WDR72: variants seen among roughly 807,000 people sequenced by gnomAD.
WDR72 encodes the protein WD repeat domain 72.
A neutral mutation model predicts 124.2 loss-of-function variants in WDR72; 120 were observed. That is an observed-to-expected ratio of 0.97 (90% CI 0.83 to 1.12). The LOEUF is 1.12. Ranked by LOEUF, WDR72 falls within the 50% of genes most tolerant of loss-of-function variation. The pLI, the probability that WDR72 is intolerant of heterozygous loss-of-function variation, is 0.00. For synonymous variants in WDR72, 452 were observed against 441.7 expected, an observed-to-expected ratio of 1.02 and a Z score of -0.29; for missense variants, 1,387 against 1,278.8, an observed-to-expected ratio of 1.08 and a Z score of -1.29.
intron 18 of WDR72, among the ~76,000 whole-genome samples, chr15:53,594,544 A>C (rs188635804): frequency 6.6e-6 from 1 of 152,006 alleles, no homozygotes; most frequent in African/African-American, 2.4e-5. Flanking sequence ...TAAAGATAAC[A>C]GTTTAATGGT....
chr15:53,735,175 T>A (rs1040721174), intron 1 of WDR72, among the ~76,000 whole-genome samples: 1 of 151,932 alleles, frequency 6.6e-6, no homozygotes, highest in Non-Finnish European at 1.5e-5. Flanking sequence ...ACACTGGTAA[T>A]CCTACCTCGG....
In WDR72 at chr15:53,519,079, TAAAAAG is replaced by T. The variant is rs1297459499; in HGVS notation, c.3254-1331_3254-1326del. 3.9e-5 allele frequency among the ~76,000 whole-genome samples: 6 copies of T among 152,156 alleles called. No individual in the cohort carries two copies. The East Asian group carries it at 1.2e-3, about 30-fold the overall frequency. On this transcript the variant is annotated intron_variant, in intron 19 of 19. Coordinates refer to ENST00000360509, the MANE Select transcript of WDR72 (RefSeq NM_182758.4). ...TTGGAGTGCACTGTTTCTAGTGCACTAAAAAGAAAAATTATTAATTTTCCAAGCCAA... is the reference window on the plus strand; with the variant it reads ...TTGGAGTGCACTGTTTCTAGTGCACTAAAAATTATTAATTTTCCAAGCCAA...
intron 13 of WDR72, chr15:53,684,180 T>C (rs1014422345): frequency 1.3e-5 from 2 of 152,194 alleles, no homozygotes; most frequent in Non-Finnish European, 2.9e-5. Context: ...GTTGAGATTC[T>C]ACTGTTTTTA....
At chr15:53,551,855 G>GACAC (rs148675620) in intron 18 of WDR72, among the ~76,000 whole-genome samples, 14 of 149,568 alleles carry the variant, frequency 9.4e-5, no homozygotes, top group Admixed American at 6.0e-4. Context: ...AGAATACACA[G>GACAC]ACACACACAC....
intron 18 of WDR72, among the ~76,000 whole-genome samples, chr15:53,584,801 T>C (rs2012114058): frequency 6.6e-6 from 1 of 151,994 alleles, no homozygotes; most frequent in African/African-American, 2.4e-5. Flanking sequence ...GACCATGCCA[T>C]ACTGCCCTGC....
chr15:53,535,411 T>C (rs1892709595), intron 18 of WDR72, among the ~76,000 whole-genome samples: 1 of 152,206 alleles, frequency 6.6e-6, no homozygotes, highest in Non-Finnish European at 1.5e-5. Flanking sequence ...AGAACTTCTC[T>C]TCATGAGTTT....
intron 18 of WDR72, among the ~76,000 whole-genome samples, chr15:53,593,224 T>C (rs999738520): frequency 6.6e-6 from 1 of 152,072 alleles, no homozygotes; most frequent in Non-Finnish European, 1.5e-5. Context: ...GCATGATTTA[T>C]GAGAAAAGAA....
At chr15:53,577,175 CT>C (rs1424992221) in intron 18 of WDR72, among the ~76,000 whole-genome samples, 1 of 152,114 alleles carries the variant, frequency 6.6e-6, no homozygotes, top group Non-Finnish European at 1.5e-5. Context: ...AAAATTATGA[CT>C]TTCATTTTAT....
intron 11 of WDR72, 81 bp downstream of exon 11, chr15:53,704,907 T>A (rs1250801465): frequency 6.5e-7 from 1 of 1,527,620 alleles, no homozygotes; most frequent in Non-Finnish European, 8.9e-7. Context: ...TATTTAGGCC[T>A]CTAAATCTTG....
intron 14 of WDR72, among the ~76,000 whole-genome samples, chr15:53,635,393 T>G (rs757258747): frequency 2.0e-5 from 3 of 152,158 alleles, no homozygotes; most frequent in Non-Finnish European, 4.4e-5. Flanking sequence ...ATAAATTAAT[T>G]CAGAATTGGG....
chr15:53,577,467 G>A (rs1411343010), intron 18 of WDR72, among the ~76,000 whole-genome samples: 1 of 152,008 alleles, frequency 6.6e-6, no homozygotes, highest in Non-Finnish European at 1.5e-5. Flanking sequence ...TCTTACAGAA[G>A]GCTAATATAA....
intron 14 of WDR72, among the ~76,000 whole-genome samples, chr15:53,620,676 A>G (rs2013956702): frequency 1.3e-5 from 2 of 152,166 alleles, no homozygotes; most frequent in Non-Finnish European, 1.5e-5. Context: ...TCAATCTCAG[A>G]CCTGAAAATA....
At chr15:53,654,563 G>A (rs980296769) in intron 14 of WDR72, among the ~76,000 whole-genome samples, 6 of 152,186 alleles carry the variant, frequency 3.9e-5, no homozygotes, top group African/African-American at 7.2e-5. Context: ...CCCCATAGCT[G>A]GGCCTTTGCG....
At chr15:53,543,477 T>C (rs1386699527) in intron 18 of WDR72, among the ~76,000 whole-genome samples, 1 of 151,672 alleles carries the variant, frequency 6.6e-6, no homozygotes, top group African/African-American at 2.4e-5. Context: ...CCAGAATCTC[T>C]GGGACGCATT....
chr15:53,628,333 A>C lies in WDR72; in HGVS notation c.1963-12090T>G, dbSNP rs970926032. Among the ~76,000 whole-genome samples the C allele has an allele frequency of 4.2e-4, 64 of 152,258 alleles. 1 individual carries two copies. Among genetic ancestry groups the C allele is most frequent in the Admixed American group, 3.9e-3 (60 of 15,308 alleles). On this transcript the variant is annotated intron_variant, in intron 14 of 19. Transcript: ENST00000360509. ...AAATTTAAACTATGAATCTATACTC[A>C]AGGGAAAGTACCTCCATCAAAAGGT...
chr15:53,631,064 C>T (rs919555986), intron 14 of WDR72, among the ~76,000 whole-genome samples: 4 of 152,080 alleles, frequency 2.6e-5, no homozygotes, highest in African/African-American at 9.7e-5. Context: ...GATCTGTGTT[C>T]CTGCCCAAAT....
In WDR72 at chr15:53,523,330, A is replaced by AATAG; in HGVS notation, c.3149-9_3149-8insCTAT. 6.3e-7 allele frequency: 1 copy of AATAG among 1,574,986 alleles called. No individual in the cohort carries two copies. ...TGACCGGGCTGACTGGAGCTATTAA[A>AATAG]AGAGAGAGAGAGAGAGAGAGAGACA... On this transcript the variant is annotated splice_polypyrimidine_tract_variant and intron_variant, in intron 18 of 19. Coordinates refer to ENST00000360509, the MANE Select transcript of WDR72 (RefSeq NM_182758.4).
At chr15:53,614,065 T>C (rs994361903) in intron 15 of WDR72, among the ~76,000 whole-genome samples, 3 of 152,062 alleles carry the variant, frequency 2.0e-5, no homozygotes, top group African/African-American at 7.2e-5. Context: ...CTATTTTAGG[T>C]TACATGATTA....
At chr15:53,536,864 C>T (rs183648752) in intron 18 of WDR72, among the ~76,000 whole-genome samples, 2 of 152,116 alleles carry the variant, frequency 1.3e-5, no homozygotes, top group African/African-American at 4.8e-5. Flanking sequence ...TTTGCATGAG[C>T]CTTGACATGA....
Sources: gnomAD v4.1 joint callset for allele counts (sites outside exome capture counted in the v4.1 genomes callset) on GRCh38, gnomAD v4.1.1 for gene constraint, MANE v1.5 for transcripts, NCBI Gene and HGNC (gene_info 2026-07-23, HGNC 2026-07-21) for gene names.